Variants in KCMF1 observed in about 807,000 individuals in gnomAD.
The protein encoded by KCMF1 is E3 ubiquitin-protein ligase KCMF1.
In KCMF1, 3 loss-of-function variants were observed where a neutral mutation model predicts 41.1. The ratio of observed to expected loss-of-function variants is 0.07; its 90% confidence interval spans 0.03 to 0.19. KCMF1 has a LOEUF of 0.19. KCMF1 is among the 10% of genes least tolerant of loss of function. KCMF1 has a pLI of 1.00. For synonymous variants in KCMF1, 142 were observed against 164.5 expected (o/e 0.86, Z 1.04); for missense variants, 286 against 488.9 (o/e 0.58, Z 3.91).
At chr2:85,000,282 T>C (rs1171109889) in intron 1 of KCMF1, among the ~76,000 whole-genome samples, 2 of 152,090 alleles carry the variant, frequency 1.3e-5, no homozygotes. Flanking sequence ...CCCGCTACCA[T>C]GCCCAGCTAA....
In KCMF1 at chr2:84,996,430, A is replaced by ATTTTTTTTTT. The variant is rs869089697; in HGVS notation, c.16+24976_16+24985dup. 8.6e-4 allele frequency among the ~76,000 whole-genome samples: 107 copies of ATTTTTTTTTT among 124,054 alleles called. 2 individuals are homozygous for ATTTTTTTTTT. The highest frequency in any genetic ancestry group is 3.3e-3 in the African/African-American group (101 of 30,282). 81.4% of individuals were successfully genotyped at this position (124,054 alleles called of 152,430 possible). ...ATACTTTATACCTAAATAACCTAAG[A>ATTTTTTTTTT]TTTTTTTTTTTTTTTTTTTTTTGAG... On this transcript the variant is annotated intron_variant, in intron 1 of 6. Coordinates refer to ENST00000409785, the MANE Select transcript of KCMF1 (RefSeq NM_020122.5).
At chr2:85,045,037 A>C (rs1675630699) in intron 4 of KCMF1, among the ~76,000 whole-genome samples, 1 of 152,192 alleles carries the variant, frequency 6.6e-6, no homozygotes, top group African/African-American at 2.4e-5. Flanking sequence ...ACTTGAGCCT[A>C]GAAGTTTGAA....
chr2:85,013,526 G>T (rs545082919), intron 1 of KCMF1, among the ~76,000 whole-genome samples: 1 of 152,086 alleles, frequency 6.6e-6, no homozygotes, highest in Admixed American at 6.6e-5. Flanking sequence ...TAGACCGGGC[G>T]CAGTGGCTCA....
intron 2 of KCMF1, among the ~76,000 whole-genome samples, chr2:85,031,069 G>A (rs1301548749): frequency 6.6e-6 from 1 of 152,224 alleles, no homozygotes; most frequent in Non-Finnish European, 1.5e-5. Context: ...TTGAAATCAA[G>A]AAGAGTGAGT....
At chr2:85,013,525 C>T (rs972280876) in intron 1 of KCMF1, among the ~76,000 whole-genome samples, 2 of 152,074 alleles carry the variant, frequency 1.3e-5, no homozygotes, top group Non-Finnish European at 2.9e-5. Context: ...TTAGACCGGG[C>T]GCAGTGGCTC....
intron 2 of KCMF1, among the ~76,000 whole-genome samples, chr2:85,033,759 A>G (rs1193963278): frequency 6.6e-6 from 1 of 152,240 alleles, no homozygotes; most frequent in African/African-American, 2.4e-5. Context: ...TGGTGGGGAC[A>G]AACCATATTC....
chr2:85,030,452 G>A (rs1001507737), intron 2 of KCMF1, among the ~76,000 whole-genome samples: 9 of 151,802 alleles, frequency 5.9e-5, no homozygotes, highest in Non-Finnish European at 1.2e-4. Context: ...TCTTCTAAGA[G>A]TTTTATAGTT....
intron 1 of KCMF1, among the ~76,000 whole-genome samples, chr2:84,983,842 C>T (rs182462530): frequency 7.2e-5 from 11 of 152,180 alleles, no homozygotes; most frequent in African/African-American, 2.6e-4. Flanking sequence ...GATGGAGTCA[C>T]CCTATGTTGC....
At chr2:85,038,125 C>T (rs1490719731) in intron 3 of KCMF1, among the ~76,000 whole-genome samples, 1 of 152,186 alleles carries the variant, frequency 6.6e-6, no homozygotes, top group Non-Finnish European at 1.5e-5. Flanking sequence ...AAATGCTGCT[C>T]TTTAGAAGCC....
intron 1 of KCMF1, among the ~76,000 whole-genome samples, chr2:84,982,083 A>G (rs560858642): frequency 3.9e-5 from 6 of 152,146 alleles, no homozygotes; most frequent in South Asian, 2.1e-4. Context: ...GTGCCTGGCA[A>G]TTCTTCATAG....
At chr2:85,019,818 G>T (rs950336265) in intron 1 of KCMF1, among the ~76,000 whole-genome samples, 1 of 150,554 alleles carries the variant, frequency 6.6e-6, no homozygotes, top group African/African-American at 2.5e-5. Flanking sequence ...ATATACATAC[G>T]TATATATATA....
intron 1 of KCMF1, among the ~76,000 whole-genome samples, chr2:84,977,388 T>G (rs1302700920): frequency 6.6e-6 from 1 of 152,204 alleles, no homozygotes; most frequent in African/African-American, 2.4e-5. Flanking sequence ...TTATTGTACT[T>G]TAACTGTAAT....
At chr2:85,024,566 G>A (rs1452296459) in intron 1 of KCMF1, among the ~76,000 whole-genome samples, 1 of 135,744 alleles carries the variant, frequency 7.4e-6, no homozygotes, top group Non-Finnish European at 1.6e-5. Context: ...GAGAGAGAGA[G>A]AGAGAGAGAG....
chr2:84,980,379 C>G (rs1345626430), intron 1 of KCMF1, among the ~76,000 whole-genome samples: 1 of 152,148 alleles, frequency 6.6e-6, no homozygotes, highest in African/African-American at 2.4e-5. Context: ...AGAAAACCAG[C>G]TCTCACGCCT....
chr2:84,987,586 C>T (rs1400748959), intron 1 of KCMF1, among the ~76,000 whole-genome samples: 1 of 152,072 alleles, frequency 6.6e-6, no homozygotes, highest in Admixed American at 6.6e-5. Flanking sequence ...GAATCATTTT[C>T]AGCTTTTGAT....
chr2:85,040,700 G>A (rs191637097), intron 3 of KCMF1, among the ~76,000 whole-genome samples: 3 of 151,844 alleles, frequency 2.0e-5, no homozygotes, highest in African/African-American at 7.2e-5. Flanking sequence ...TTAACTTCAT[G>A]TGACCCAAGT....
intron 1 of KCMF1, among the ~76,000 whole-genome samples, chr2:84,983,692 G>A (rs984279078): frequency 6.6e-6 from 1 of 152,036 alleles, no homozygotes; most frequent in African/African-American, 2.4e-5. Context: ...TGTATTTTTA[G>A]TTGAAATGGG....
intron 1 of KCMF1, among the ~76,000 whole-genome samples, chr2:84,988,710 G>T (rs565344360): frequency 6.6e-6 from 1 of 152,332 alleles, no homozygotes; most frequent in East Asian, 1.9e-4. Context: ...AGGTCCCATA[G>T]GTAGTAAGAG....
At chr2:85,005,535 C>T (rs1199118401) in intron 1 of KCMF1, among the ~76,000 whole-genome samples, 1 of 152,050 alleles carries the variant, frequency 6.6e-6, no homozygotes, top group Non-Finnish European at 1.5e-5. Flanking sequence ...GATGATCCAC[C>T]TGCCTCGGCC....
Sources: gnomAD v4.1 joint callset for allele counts (sites outside exome capture counted in the v4.1 genomes callset) on GRCh38, gnomAD v4.1.1 for gene constraint, MANE v1.5 for transcripts, NCBI Gene and HGNC (gene_info 2026-07-23, HGNC 2026-07-21) for gene names.